Variants in ELAVL1 observed in about 807,000 individuals in gnomAD.
ELAVL1 encodes the protein ELAV-like protein 1.
In ELAVL1, 1 loss-of-function variant was observed where a neutral mutation model predicts 28.4. That is an observed-to-expected ratio of 0.04 (90% CI 0.01 to 0.17). ELAVL1 has a LOEUF of 0.17. Among genes scored for constraint, ELAVL1 ranks in the 10% least tolerant of loss-of-function variants. The pLI is 1.00. For synonymous variants in ELAVL1, 174 were observed against 183.5 expected (o/e 0.95, Z 0.42); for missense variants, 157 against 447.2 (o/e 0.35, Z 5.85).
At chr19:7,998,073 TTCTTGG>T (rs1946106144) in intron 1 of ELAVL1, among the ~76,000 whole-genome samples, 1 of 152,164 alleles carries the variant, frequency 6.6e-6, no homozygotes, top group Non-Finnish European at 1.5e-5. Context: ...GCAGGTCAAG[TTCTTGG>T]TCAACTAGTA....
In ELAVL1 at chr19:7,991,523, C is replaced by T. The variant is rs556123824; in HGVS notation, c.172+121G>A. ...TGAAATAAAAATGAAACTTCACAGC[C>T]ATCGTTTCAAGGCTGTAGTTATCCT... On this transcript the variant is annotated intron_variant, in intron 2 of 5. Coordinates refer to ENST00000407627, the MANE Select transcript of ELAVL1 (RefSeq NM_001419.3). 13 of 974,950 alleles carry T rather than the reference C, an allele frequency of 1.3e-5. No individual in the cohort carries two copies. In the African/African-American group the frequency reaches 2.2e-4, roughly 16 times the overall value. 60.4% of individuals were successfully genotyped at this position (974,950 alleles called of 1,614,324 possible). A position where few individuals can be genotyped will look rare whatever the true frequency, so the allele number is the denominator to read the frequency against.
chr19:7,974,922 T>C (rs1254078587), intron 3 of ELAVL1, among the ~76,000 whole-genome samples: 3 of 152,128 alleles, frequency 2.0e-5, no homozygotes, highest in Non-Finnish European at 4.4e-5. Flanking sequence ...TTGCCCCTGC[T>C]CATAGGGCAG....
At chr19:7,968,267 G>A (rs1255656059) in intron 4 of ELAVL1, among the ~76,000 whole-genome samples, 4 of 152,180 alleles carry the variant, frequency 2.6e-5, no homozygotes, top group African/African-American at 9.7e-5. Context: ...CTCTGGGCCC[G>A]CTGTGACAGC....
intron 3 of ELAVL1, among the ~76,000 whole-genome samples, chr19:7,977,935 G>A (rs1021415993): frequency 6.6e-6 from 1 of 152,274 alleles, no homozygotes; most frequent in South Asian, 2.1e-4. Flanking sequence ...AGGTCCTGCT[G>A]CTCAGAATAC....
At chr19:7,970,404 C>G (rs1486296036) in intron 4 of ELAVL1, among the ~76,000 whole-genome samples, 2 of 152,238 alleles carry the variant, frequency 1.3e-5, no homozygotes, top group African/African-American at 4.8e-5. Context: ...ATCCGCCCAC[C>G]TTGGCCTCCC....
chr19:7,998,504 C>G (rs1471359818), intron 1 of ELAVL1, among the ~76,000 whole-genome samples: 2 of 152,152 alleles, frequency 1.3e-5, no homozygotes, highest in Non-Finnish European at 2.9e-5. Context: ...ACAATCGGAC[C>G]CAGGTGGTTC....
chr19:7,976,763 C>T (rs2145209205), intron 3 of ELAVL1, among the ~76,000 whole-genome samples: 1 of 152,340 alleles, frequency 6.6e-6, no homozygotes, highest in Admixed American at 6.5e-5. Flanking sequence ...CCACAGATCC[C>T]TCCACTGGCA....
chr19:7,976,989 C>T (rs1161151317), intron 3 of ELAVL1, among the ~76,000 whole-genome samples: 1 of 151,994 alleles, frequency 6.6e-6, no homozygotes, highest in African/African-American at 2.4e-5. Flanking sequence ...TGCCTGGCAT[C>T]TATTTTACTT....
At position 7,987,283 on chromosome 19, in the gene ELAVL1, T is replaced by A. The variant is rs550648185; in HGVS notation, c.172+4361A>T. On this transcript the variant is annotated intron_variant, in intron 2 of 5. Transcript: ENST00000407627. The stretch of plus-strand genomic sequence containing the variant: ...GCAAGACAGAAGCCGTGAATGGGGC[T>A]GCAGCCTGGTGGCTCCGGCATGACA... Among the ~76,000 whole-genome samples the A allele has an allele frequency of 4.5e-4, 68 of 152,270 alleles. 4 individuals carry two copies. In the South Asian group the frequency reaches 0.014, roughly 32 times the overall value.
At chr19:7,994,455 G>A (rs1985827649) in intron 1 of ELAVL1, among the ~76,000 whole-genome samples, 1 of 152,206 alleles carries the variant, frequency 6.6e-6, no homozygotes, top group Non-Finnish European at 1.5e-5. Flanking sequence ...CTACAAATTG[G>A]TAAGGGATAA....
In ELAVL1 at chr19:8,005,613, G is replaced by C. The variant is rs868316896; in HGVS notation, c.-135C>G. On this transcript the variant is annotated 5_prime_UTR_variant, in exon 1 of 6. Coordinates refer to ENST00000407627, the MANE Select transcript of ELAVL1 (RefSeq NM_001419.3). ...TGGCGGCGGTGGCGGCGACGGCGAC[G>C]GCGGCAGCGGCTCCTCCTCAGCGCG... 2 of 149,520 alleles carry C rather than the reference G, an allele frequency of 1.3e-5. No homozygotes were observed. The highest frequency in any genetic ancestry group is 1.9e-4 in the East Asian group (1 of 5,146). The allele number at this position is 149,520 out of a possible 1,614,324, so 9.3% of individuals were successfully genotyped here.
At chr19:8,000,076 C>T (rs1031926970) in intron 1 of ELAVL1, among the ~76,000 whole-genome samples, 4 of 152,144 alleles carry the variant, frequency 2.6e-5, no homozygotes, top group Admixed American at 2.0e-4. Context: ...CACGCTTGGC[C>T]GCTTTTTTAT....
At chr19:7,983,974 C>T (rs1157628319) in intron 2 of ELAVL1, among the ~76,000 whole-genome samples, 1 of 152,134 alleles carries the variant, frequency 6.6e-6, no homozygotes, top group Non-Finnish European at 1.5e-5. Flanking sequence ...GTTTCCGTCT[C>T]CCTGGCTGTC....
rs922279861 is a variant in ELAVL1, at chr19:7,981,699, AC to A, written c.173-514del. On this transcript the variant is annotated intron_variant, in intron 2 of 5. Transcript: ENST00000407627. This position sits in a 1 kb window ranked among gnomAD's most constrained non-coding sequence, Gnocchi z 4.2. ...AGGTTTTACTTTTGTAATTAAAATA[AC>A]CCCAAAAGTTATTTACAAAGGAGTA... is the stretch of plus-strand genomic sequence containing the variant. Among the ~76,000 whole-genome samples, 13 of 152,074 alleles carry A rather than the reference AC, an allele frequency of 8.5e-5. No individual in the cohort carries two copies. The highest frequency in any genetic ancestry group is 1.0e-4 in the Non-Finnish European group (7 of 68,020).
chr19:7,999,765 G>C (rs559426617), intron 1 of ELAVL1, among the ~76,000 whole-genome samples: 1 of 152,168 alleles, frequency 6.6e-6, no homozygotes, highest in Admixed American at 6.5e-5. Flanking sequence ...CCTCTATGTA[G>C]TTCTGTCTAA....
At chr19:7,989,956 G>A (rs75813060) in intron 2 of ELAVL1, among the ~76,000 whole-genome samples, 14,494 of 152,128 alleles carry the variant, frequency 0.095, 897 homozygotes, top group South Asian at 0.19. Context: ...TGCAATGATG[G>A]GTACATCAGG....
intron 1 of ELAVL1, among the ~76,000 whole-genome samples, chr19:8,000,438 C>T (rs1156583091): frequency 6.6e-6 from 1 of 152,190 alleles, no homozygotes; most frequent in Admixed American, 6.5e-5. Context: ...GCATGAGAAT[C>T]ACTTTCATTG....
At chr19:7,985,924 G>T (rs1344189452) in intron 2 of ELAVL1, among the ~76,000 whole-genome samples, 1 of 152,200 alleles carries the variant, frequency 6.6e-6, no homozygotes, top group African/African-American at 2.4e-5. Flanking sequence ...GCTGGCCCAG[G>T]GACTGTACCC....
intron 4 of ELAVL1, among the ~76,000 whole-genome samples, chr19:7,970,310 C>A (rs1266346829): frequency 6.6e-6 from 1 of 152,268 alleles, no homozygotes; most frequent in African/African-American, 2.4e-5. Context: ...TGCCTGCCAC[C>A]ATGCCTGGCT....
Sources: gnomAD v4.1 joint callset for allele counts (sites outside exome capture counted in the v4.1 genomes callset) on GRCh38, gnomAD v4.1.1 for gene constraint, Gnocchi (gnomAD v3.1) non-coding constraint, MANE v1.5 for transcripts, NCBI Gene and HGNC (gene_info 2026-07-23, HGNC 2026-07-21) for gene names.